SLC7A14: variants seen among roughly 807,000 people sequenced by gnomAD.
SLC7A14 encodes the protein solute carrier family 7 member 14, also known as gamma-aminobutyric acid transporter SLC7A14.
SLC7A14 carries 37 observed loss-of-function variants against 60.2 expected under a neutral mutation model. That is an observed-to-expected ratio of 0.61 (90% confidence interval 0.47 to 0.81). The LOEUF is 0.81. Among genes scored for constraint, SLC7A14 ranks in the 30% least tolerant of loss-of-function variants. SLC7A14 has a pLI of 0.00. For missense variants in SLC7A14, 886 were observed against 982.7 expected (o/e 0.90, Z 1.32); for synonymous variants, 399 against 395.8 (o/e 1.01, Z -0.10).
At chr3:170,579,427 C>T (rs561409550) in intron 1 of SLC7A14, among the ~76,000 whole-genome samples, 1 of 152,268 alleles carries the variant, frequency 6.6e-6, no homozygotes, top group Non-Finnish European at 1.5e-5. Flanking sequence ...TTTTCAAAAA[C>T]ATGGAAAAAT....
intron 4 of SLC7A14, among the ~76,000 whole-genome samples, chr3:170,491,154 C>T (rs750753977): frequency 1.3e-5 from 2 of 151,996 alleles, no homozygotes; most frequent in Non-Finnish European, 2.9e-5. Context: ...CTGTAAGATC[C>T]GAAATGCATT....
intron 2 of SLC7A14, among the ~76,000 whole-genome samples, chr3:170,516,344 C>T (rs1030879616): frequency 1.3e-5 from 2 of 152,094 alleles, no homozygotes; most frequent in African/African-American, 4.8e-5. Context: ...CTCTGCTAGT[C>T]AATAGGGTGA....
chr3:170,527,637 G>A (rs1234355385), intron 1 of SLC7A14, among the ~76,000 whole-genome samples: 1 of 152,146 alleles, frequency 6.6e-6, no homozygotes, highest in Non-Finnish European at 1.5e-5. Context: ...CACCCCATGG[G>A]TTATTTTGGC....
intron 5 of SLC7A14, 119 bp downstream of exon 5, chr3:170,486,103 T>C (rs1712019324): frequency 1.5e-6 from 2 of 1,321,242 alleles, no homozygotes; most frequent in Admixed American, 2.4e-5. Context: ...GGAATGGGGC[T>C]ACAGGGGACA....
Position 170,535,346 on chromosome 3 carries a change from A to T in SLC7A14, c.-152-8258T>A, listed in dbSNP as rs183645308. ...GAAGGGACAAATAATACCAAAAACC[A>T]GTTAATCCTTCTATGCCACCATAAA... On this transcript the variant is annotated intron_variant, in intron 1 of 7. Transcript: ENST00000231706. The surrounding 1 kb of genome is among the most constrained non-coding windows in gnomAD (Gnocchi z 4.3). 2.1e-3 allele frequency among the ~76,000 whole-genome samples: 322 copies of T among 152,276 alleles called. 1 individual carries two copies. The highest frequency in any genetic ancestry group is 7.3e-3 in the African/African-American group (305 of 41,554).
At chr3:170,579,930 A>C (rs1311441423) in intron 1 of SLC7A14, among the ~76,000 whole-genome samples, 1 of 152,218 alleles carries the variant, frequency 6.6e-6, no homozygotes, top group African/African-American at 2.4e-5. Context: ...TTTCTGGGTG[A>C]AGCAGCAAGA....
intron 1 of SLC7A14, among the ~76,000 whole-genome samples, chr3:170,574,518 G>A (rs1234618186): frequency 6.6e-6 from 1 of 152,170 alleles, no homozygotes; most frequent in Non-Finnish European, 1.5e-5. Context: ...CATGGACTCT[G>A]CCCTTTTTCT....
chr3:170,558,917 A>G (rs1301415576), intron 1 of SLC7A14, among the ~76,000 whole-genome samples: 5 of 152,182 alleles, frequency 3.3e-5, no homozygotes, highest in Admixed American at 2.0e-4. Flanking sequence ...TAGTCCTGGT[A>G]TCAATAGTTT....
chr3:170,565,726 G>C (rs1714770861), intron 1 of SLC7A14, among the ~76,000 whole-genome samples: 1 of 152,070 alleles, frequency 6.6e-6, no homozygotes, highest in African/African-American at 2.4e-5. Context: ...TGGCTGGCTG[G>C]GCCTTGGTTC....
At chr3:170,580,285 G>A (rs1715201563) in intron 1 of SLC7A14, among the ~76,000 whole-genome samples, 1 of 152,188 alleles carries the variant, frequency 6.6e-6, no homozygotes, top group Non-Finnish European at 1.5e-5. Context: ...AAGCTACATT[G>A]TCAGTTCTCT....
Position 170,461,556 on chromosome 3 carries a change from C to A in SLC7A14, c.*5499G>T, listed in dbSNP as rs1005782916. The A allele has an allele frequency of 6.6e-6, 1 of 152,188 alleles. No homozygotes were observed. Among genetic ancestry groups the A allele is most frequent in the African/African-American group, 2.4e-5 (1 of 41,440 alleles). 9.4% of individuals were successfully genotyped at this position (152,188 alleles called of 1,614,324 possible). A position where few individuals can be genotyped will look rare whatever the true frequency, so the allele number is the denominator to read the frequency against. Reference sequence around the variant, plus strand: ...CCAACCATTATGTACATGAAAGGGGCTTTTTGCTACCCATCCCCATTCCCA... The same window carrying A: ...CCAACCATTATGTACATGAAAGGGGATTTTTGCTACCCATCCCCATTCCCA... On this transcript the variant is annotated 3_prime_UTR_variant, in exon 8 of 8. Coordinates refer to ENST00000231706, the MANE Select transcript of SLC7A14 (RefSeq NM_020949.3).
chr3:170,533,569 G>C (rs1713742566), intron 1 of SLC7A14, among the ~76,000 whole-genome samples: 1 of 152,076 alleles, frequency 6.6e-6, no homozygotes, highest in Non-Finnish European at 1.5e-5. Context: ...TGTACTTCTT[G>C]AATAGGCTGC....
intron 2 of SLC7A14, among the ~76,000 whole-genome samples, chr3:170,524,519 G>A (rs541027641): frequency 6.6e-6 from 1 of 152,156 alleles, no homozygotes; most frequent in African/African-American, 2.4e-5. Context: ...CAAAATGGAT[G>A]AGATCTATTG....
intron 1 of SLC7A14, among the ~76,000 whole-genome samples, chr3:170,540,520 T>A (rs1713991441): frequency 6.6e-6 from 1 of 152,026 alleles, no homozygotes; most frequent in African/African-American, 2.4e-5. Context: ...ATTTAAAACG[T>A]TTTTGGAAAA....
chr3:170,483,586 AC>A (rs758881074), intron 5 of SLC7A14, 64 bp from the exon 6 acceptor site: 10 of 1,571,796 alleles, frequency 6.4e-6, no homozygotes, highest in African/African-American at 1.4e-5. Flanking sequence ...TAGAGGCCCC[AC>A]GGGAGAGGAA....
chr3:170,518,857 CAAG>C (rs1275550043), intron 2 of SLC7A14, among the ~76,000 whole-genome samples: 1 of 152,012 alleles, frequency 6.6e-6, no homozygotes, highest in African/African-American at 2.4e-5. Flanking sequence ...AAGCTGGTGC[CAAG>C]AAGAAGAGAG....
intron 1 of SLC7A14, among the ~76,000 whole-genome samples, chr3:170,547,253 A>G (rs1714208162): frequency 6.6e-6 from 1 of 152,190 alleles, no homozygotes; most frequent in African/African-American, 2.4e-5. Flanking sequence ...TTCTTTTATG[A>G]AAAGAAAATA....
chr3:170,502,991 C>G (rs760456783), intron 2 of SLC7A14: 2 of 152,178 alleles, frequency 1.3e-5, no homozygotes, highest in Admixed American at 1.3e-4. Context: ...TTATATTGAA[C>G]TTTGTAGTAT....
intron 3 of SLC7A14, among the ~76,000 whole-genome samples, chr3:170,500,349 G>T (rs1212077406): frequency 6.8e-6 from 1 of 147,984 alleles, no homozygotes; most frequent in Non-Finnish European, 1.5e-5. Flanking sequence ...TGAGGCAGGA[G>T]AATTGCTTGA....
Sources: allele counts gnomAD v4.1 joint callset (sites outside exome capture counted in the v4.1 genomes callset), GRCh38; gene constraint gnomAD v4.1.1; non-coding constraint Gnocchi (gnomAD v3.1); transcripts MANE v1.5; gene names NCBI Gene and HGNC (gene_info 2026-07-23, HGNC 2026-07-21).